Variants in BBS9 observed in about 807,000 individuals in gnomAD.
The protein encoded by BBS9 is Bardet-Biedl syndrome 9.
BBS9 carries 89 observed loss-of-function variants against 117.7 expected under a neutral mutation model. That is an observed-to-expected ratio of 0.76 (90% CI 0.64 to 0.90). BBS9 has a LOEUF of 0.90. BBS9 is among the 40% of genes least tolerant of loss of function. The probability of loss-of-function intolerance (pLI) is 0.00; values close to 1 mark genes in which losing one functional copy is unlikely to be tolerated. For synonymous variants in BBS9, 379 were observed against 370.9 expected, an observed-to-expected ratio of 1.02 and a Z score of -0.25; for missense variants, 982 against 1,042.2, an observed-to-expected ratio of 0.94 and a Z score of 0.80.
chr7:33,357,996 G>A lies in BBS9; in HGVS notation c.1693+1G>A, dbSNP rs1295000119. On this transcript the variant is annotated splice_donor_variant, in intron 16 of 22. Coordinates refer to ENST00000242067, the MANE Select transcript of BBS9 (RefSeq NM_198428.3). LOFTEE classifies it high-confidence loss of function. ...GTCAGTCTTCTTAGTCTCTTCCCAG[G>A]TAAGACTGTTGAAATAACATGCCTG... is the stretch of plus-strand genomic sequence containing the variant. The A allele has an allele frequency of 6.2e-7, 1 of 1,611,496 alleles. No homozygotes were observed. The highest frequency in any genetic ancestry group is 8.5e-7 in the Non-Finnish European group (1 of 1,178,468).
chr7:33,588,665 G>A (rs1861364385), intron 21 of BBS9, among the ~76,000 whole-genome samples: 1 of 152,170 alleles, frequency 6.6e-6, no homozygotes, highest in Non-Finnish European at 1.5e-5. Flanking sequence ...GAAAATGTGT[G>A]TCAGAAAAGG....
chr7:33,482,100 C>A (rs1842585422), intron 19 of BBS9, among the ~76,000 whole-genome samples: 1 of 151,408 alleles, frequency 6.6e-6, no homozygotes, highest in Non-Finnish European at 1.5e-5. Context: ...TTTTTTTTTT[C>A]TACCACAGAA....
Position 33,340,892 on chromosome 7 carries a change from C to T in BBS9, c.1199-5C>T, listed in dbSNP as rs1280536998. 1.2e-6 allele frequency: 2 copies of T among 1,611,184 alleles called. No homozygotes were observed. Among genetic ancestry groups the T allele is most frequent in the Non-Finnish European group, 1.7e-6 (2 of 1,178,454 alleles). ...TTAAATAATTTTTCTTTTTTTAAAT[C>T]ACAGGTGTTTGGCCCATGACTGAGA... On this transcript the variant is annotated splice_region_variant and splice_polypyrimidine_tract_variant and intron_variant, in intron 10 of 22. Transcript: ENST00000242067.
chr7:33,598,014 G>A (rs1388196368), intron 21 of BBS9, among the ~76,000 whole-genome samples: 1 of 151,962 alleles, frequency 6.6e-6, no homozygotes, highest in Admixed American at 6.6e-5. Context: ...TTAAAGATGG[G>A]GCAACTGATG....
At chr7:33,519,783 G>A (rs2129039706) in intron 20 of BBS9, among the ~76,000 whole-genome samples, 1 of 152,212 alleles carries the variant, frequency 6.6e-6, no homozygotes, top group East Asian at 1.9e-4. Context: ...CAAACATAAC[G>A]AAATGGGAAA....
intron 21 of BBS9, among the ~76,000 whole-genome samples, chr7:33,560,810 CCTT>C (rs1855977269): frequency 1.3e-5 from 2 of 152,204 alleles, no homozygotes; most frequent in Non-Finnish European, 2.9e-5. Flanking sequence ...ATCTCACCAG[CCTT>C]CTCATCAGGA....
chr7:33,634,202 G>A (rs190160315), intron 21 of BBS9, among the ~76,000 whole-genome samples: 1 of 152,336 alleles, frequency 6.6e-6, no homozygotes, highest in African/African-American at 2.4e-5. Context: ...TGGTAGGGAG[G>A]TGGATGGATA....
intron 21 of BBS9, among the ~76,000 whole-genome samples, chr7:33,538,620 T>G (rs1851819068): frequency 6.6e-6 from 1 of 152,220 alleles, no homozygotes; most frequent in Non-Finnish European, 1.5e-5. Flanking sequence ...GTGTTTACTT[T>G]CATATTGTCA....
chr7:33,324,988 A>T (rs905148235), intron 9 of BBS9, among the ~76,000 whole-genome samples: 1 of 152,146 alleles, frequency 6.6e-6, no homozygotes, highest in African/African-American at 2.4e-5. Flanking sequence ...GCTGTTCTGT[A>T]ACCTCCTTGT....
At chr7:33,363,495 GA>G (rs1821024705) in intron 16 of BBS9, among the ~76,000 whole-genome samples, 1 of 152,106 alleles carries the variant, frequency 6.6e-6, no homozygotes, top group Non-Finnish European at 1.5e-5. Context: ...TAATCAGTCA[GA>G]TTTTCTACAT....
chr7:33,512,036 C>G (rs1235667830), intron 20 of BBS9, among the ~76,000 whole-genome samples: 1 of 152,172 alleles, frequency 6.6e-6, no homozygotes, highest in Non-Finnish European at 1.5e-5. Context: ...TCTATGGGAA[C>G]ACAGTGCAGA....
chr7:33,280,038 A>G (rs1174513293), intron 9 of BBS9, among the ~76,000 whole-genome samples: 1 of 152,210 alleles, frequency 6.6e-6, no homozygotes, highest in Non-Finnish European at 1.5e-5. Flanking sequence ...TACTTATTGC[A>G]GCTCATTTTT....
chr7:33,141,243 G>A (rs1249956069), intron 1 of BBS9, among the ~76,000 whole-genome samples: 1 of 151,998 alleles, frequency 6.6e-6, no homozygotes, highest in Non-Finnish European at 1.5e-5. Flanking sequence ...GTCAACATGG[G>A]GAAACTCCAT....
At chr7:33,457,218 G>A (rs562931588) in intron 19 of BBS9, among the ~76,000 whole-genome samples, 1 of 152,172 alleles carries the variant, frequency 6.6e-6, no homozygotes, top group Non-Finnish European at 1.5e-5. Flanking sequence ...AATGAGTCAC[G>A]GAAGCAATCA....
At chr7:33,625,280 A>G (rs1455279736) in intron 21 of BBS9, among the ~76,000 whole-genome samples, 2 of 152,150 alleles carry the variant, frequency 1.3e-5, no homozygotes, top group South Asian at 2.1e-4. Flanking sequence ...TTTATAAATA[A>G]TAATAAAATT....
chr7:33,464,246 T>C (rs1839866403), intron 19 of BBS9, among the ~76,000 whole-genome samples: 1 of 152,078 alleles, frequency 6.6e-6, no homozygotes, highest in Admixed American at 6.6e-5. Flanking sequence ...AACATGAGCC[T>C]TACGAAAATG....
In BBS9 at chr7:33,312,300, A is replaced by G. The variant is rs552486001; in HGVS notation, c.1017-24141A>G. Among the ~76,000 whole-genome samples the G allele has an allele frequency of 3.1e-4, 47 of 152,346 alleles. No individual in the cohort carries two copies. In the South Asian group the frequency reaches 9.5e-3, roughly 31 times the overall value. The stretch of plus-strand genomic sequence containing the variant: ...GTGTTAGCTAGAGCGGGATATAGGC[A>G]TCTGTCTTCCTTAGTGACTGGAAAT... On this transcript the variant is annotated intron_variant, in intron 9 of 22. Transcript: ENST00000242067.
chr7:33,618,544 A>T (rs1380061811), intron 21 of BBS9, among the ~76,000 whole-genome samples: 1 of 152,150 alleles, frequency 6.6e-6, no homozygotes, highest in Non-Finnish European at 1.5e-5. Flanking sequence ...TTGGTAACAG[A>T]TACACATTAT....
intron 20 of BBS9, among the ~76,000 whole-genome samples, chr7:33,522,068 A>G (rs1459200456): frequency 6.6e-6 from 1 of 151,878 alleles, no homozygotes; most frequent in African/African-American, 2.4e-5. Context: ...CCTACAAAGG[A>G]CATGAATTCA....
Sources: allele counts gnomAD v4.1 joint callset (sites outside exome capture counted in the v4.1 genomes callset), GRCh38; gene constraint gnomAD v4.1.1; transcripts MANE v1.5; gene names NCBI Gene and HGNC (gene_info 2026-07-23, HGNC 2026-07-21).